Variants in MKLN1 observed in about 807,000 individuals in gnomAD.
MKLN1 encodes muskelin 1.
Under a neutral mutation model 99.0 loss-of-function variants are expected in MKLN1, and 18 were observed. That is an observed-to-expected ratio of 0.18 (90% CI 0.13 to 0.27). The LOEUF is 0.27. Ranked by LOEUF, MKLN1 falls within the 10% of genes least tolerant of loss-of-function variation. The pLI, the probability that MKLN1 is intolerant of heterozygous loss-of-function variation, is 1.00. For synonymous variants in MKLN1, 288 were observed against 293.2 expected (o/e 0.98, Z 0.18); for missense variants, 621 against 875.9 (o/e 0.71, Z 3.67).
At chr7:131,461,105 C>T (rs1287581049) in intron 12 of MKLN1, among the ~76,000 whole-genome samples, 1 of 152,098 alleles carries the variant, frequency 6.6e-6, no homozygotes, top group Non-Finnish European at 1.5e-5. Context: ...GTAACCTACG[C>T]ACATTCCCTC....
intron 1 of MKLN1, among the ~76,000 whole-genome samples, chr7:131,120,343 G>A (rs907697912): frequency 2.7e-5 from 4 of 150,870 alleles, no homozygotes; most frequent in African/African-American, 7.3e-5. Flanking sequence ...GGCTAACAAC[G>A]GTGAAACCCC....
At chr7:131,232,853 T>A (rs1797263291) in intron 3 of MKLN1, among the ~76,000 whole-genome samples, 1 of 151,208 alleles carries the variant, frequency 6.6e-6, no homozygotes. Flanking sequence ...CTCCAAAAAA[T>A]AAATAAATAA....
chr7:131,374,362 G>A (rs1171550036), intron 1 of MKLN1, among the ~76,000 whole-genome samples: 2 of 152,028 alleles, frequency 1.3e-5, no homozygotes, highest in Non-Finnish European at 2.9e-5. Context: ...AGAAAATACT[G>A]TTTGTGCACA....
intron 3 of MKLN1, among the ~76,000 whole-genome samples, chr7:131,244,315 C>T (rs2116500581): frequency 6.6e-6 from 1 of 152,204 alleles, no homozygotes; most frequent in East Asian, 1.9e-4. Context: ...TTTTCATGAC[C>T]CGCTCCTCCC....
At chr7:131,415,900 T>A (rs895402886) in intron 8 of MKLN1, among the ~76,000 whole-genome samples, 3 of 152,180 alleles carry the variant, frequency 2.0e-5, no homozygotes, top group African/African-American at 7.2e-5. Flanking sequence ...GAATTTGTAA[T>A]GCTTTTCTTT....
At chr7:131,128,549 A>G (rs1795499057) in intron 1 of MKLN1, among the ~76,000 whole-genome samples, 1 of 152,210 alleles carries the variant, frequency 6.6e-6, no homozygotes. Flanking sequence ...ACATTGATAT[A>G]TTTCATTGCT....
chr7:131,382,232 G>A lies in MKLN1; in HGVS notation c.169-4888G>A, dbSNP rs140242095. Among the ~76,000 whole-genome samples the A allele has an allele frequency of 7.7e-3, 1,165 of 152,188 alleles. 17 individuals carry two copies. The highest frequency in any genetic ancestry group is 0.027 in the African/African-American group (1,102 of 41,512). On this transcript the variant is annotated intron_variant, in intron 2 of 17. Transcript: ENST00000352689. ...TACAAAAAATTAGCCAGGCGTGGTG[G>A]CTCATGCCTGTAATCTCAGCTATTT...
chr7:131,386,487 A>C (rs1794031124), intron 2 of MKLN1, among the ~76,000 whole-genome samples: 2 of 152,286 alleles, frequency 1.3e-5, no homozygotes, highest in South Asian at 4.1e-4. Flanking sequence ...TGGTTTTTCT[A>C]AATAGCTTTT....
At chr7:131,467,683 A>G (rs890134872) in intron 15 of MKLN1, among the ~76,000 whole-genome samples, 2 of 152,172 alleles carry the variant, frequency 1.3e-5, no homozygotes, top group Admixed American at 6.5e-5. Context: ...GGACTAGGAA[A>G]GGGACAGCTT....
intron 3 of MKLN1, among the ~76,000 whole-genome samples, chr7:131,251,039 A>G (rs1797569597): frequency 6.6e-6 from 1 of 152,042 alleles, no homozygotes; most frequent in Non-Finnish European, 1.5e-5. Context: ...AGATGTTGTT[A>G]TTAAGCAATT....
At chr7:131,356,446 C>T (rs550814954) in intron 1 of MKLN1, among the ~76,000 whole-genome samples, 6 of 152,232 alleles carry the variant, frequency 3.9e-5, no homozygotes, top group Non-Finnish European at 5.9e-5. Context: ...ATTTCCCCCC[C>T]CAAGAGTCCA....
chr7:131,188,614 A>T (rs1197391981), intron 2 of MKLN1, among the ~76,000 whole-genome samples: 1 of 152,210 alleles, frequency 6.6e-6, no homozygotes, highest in Non-Finnish European at 1.5e-5. Context: ...GAACACCATT[A>T]TTTCAATTAC....
At chr7:131,374,264 C>A (rs1315313142) in intron 1 of MKLN1, among the ~76,000 whole-genome samples, 1 of 152,034 alleles carries the variant, frequency 6.6e-6, no homozygotes, top group Non-Finnish European at 1.5e-5. Flanking sequence ...TGGAAACATA[C>A]CATTGTGGAA....
At chr7:131,405,410 C>G (rs1794672859) in intron 6 of MKLN1, among the ~76,000 whole-genome samples, 1 of 151,962 alleles carries the variant, frequency 6.6e-6, no homozygotes, top group African/African-American at 2.4e-5. Flanking sequence ...CTTGAGAGAA[C>G]CAATTTTTGG....
In MKLN1 at chr7:131,397,354, C is replaced by A. The variant is rs1449783437; in HGVS notation, c.488C>A (p.Pro163His). The A allele has an allele frequency of 6.2e-7, 1 of 1,606,114 alleles. No homozygotes were observed. Among genetic ancestry groups the A allele is most frequent in the Non-Finnish European group, 8.5e-7 (1 of 1,174,092 alleles). Residue 163 changes from proline (P) to histidine (H), a missense_variant, in exon 5 of 18, where the codon CCT becomes CAT. Physicochemically the swap from Pro to His is moderately conservative, Grantham distance 77 (BLOSUM62 -2). Coordinates refer to ENST00000352689, the MANE Select transcript of MKLN1 (RefSeq NM_013255.5). Reference protein sequence around the residue: ...SGIDDPDIVQPCLNWYSKYRE... With the variant: ...SGIDDPDIVQHCLNWYSKYRE... ...ATTGATGATCCTGATATAGTACAAC[C>A]TTGTCTCAACTGGTATAGCAAGGTA... is the stretch of plus-strand genomic sequence containing the variant.
At chr7:131,363,660 A>G (rs1800093487) in intron 1 of MKLN1, among the ~76,000 whole-genome samples, 1 of 151,910 alleles carries the variant, frequency 6.6e-6, no homozygotes, top group South Asian at 2.1e-4. Context: ...TGTGAAGAAT[A>G]GACTTTTTCT....
intron 17 of MKLN1, 36 bp downstream of exon 17, chr7:131,478,713 C>T: frequency 1.2e-6 from 2 of 1,604,874 alleles, no homozygotes; most frequent in South Asian, 1.1e-5. Flanking sequence ...AGCTAGATGC[C>T]CTAGCATTTG....
intron 15 of MKLN1, among the ~76,000 whole-genome samples, chr7:131,470,600 C>T (rs1015106484): frequency 2.6e-5 from 4 of 152,174 alleles, no homozygotes; most frequent in Admixed American, 6.5e-5. Context: ...AATGCTCCTA[C>T]CCAGTCTCTA....
At chr7:131,416,581 C>T (rs1283895786) in intron 8 of MKLN1, among the ~76,000 whole-genome samples, 6 of 148,898 alleles carry the variant, frequency 4.0e-5, no homozygotes, top group African/African-American at 7.4e-5. Context: ...AGTGCAGTGG[C>T]GCAAAGGCCT....
Sources: allele counts gnomAD v4.1 joint callset (sites outside exome capture counted in the v4.1 genomes callset), GRCh38; gene constraint gnomAD v4.1.1; transcripts MANE v1.5; gene names NCBI Gene and HGNC (gene_info 2026-07-23, HGNC 2026-07-21).